Variants in ACYP2 observed in about 807,000 individuals in gnomAD.
ACYP2 encodes the protein acylphosphatase-2.
In ACYP2, 12 loss-of-function variants were observed where a neutral mutation model predicts 11.2. The ratio of observed to expected loss-of-function variants is 1.08; its 90% CI spans 0.69 to 1.74. The LOEUF (loss-of-function observed/expected upper bound fraction) is 1.74. ACYP2 is among the 40% of genes most tolerant of loss of function. The pLI is 0.00. For missense variants in ACYP2, 134 were observed against 101.9 expected, an observed-to-expected ratio of 1.31 and a Z score of -1.35; for synonymous variants, 43 against 32.2, an observed-to-expected ratio of 1.33 and a Z score of -1.13.
chr2:54,100,184 CA>C (rs1473976065), intron 4 of ACYP2, among the ~76,000 whole-genome samples: 1 of 149,940 alleles, frequency 6.7e-6, no homozygotes, highest in Non-Finnish European at 1.5e-5. Context: ...TTTGACTTTC[CA>C]GATTTAGTTC....
At chr2:54,204,982 A>C (rs1277001143) in intron 6 of ACYP2, among the ~76,000 whole-genome samples, 1 of 152,098 alleles carries the variant, frequency 6.6e-6, no homozygotes, top group Non-Finnish European at 1.5e-5. Context: ...TCTCATAGGC[A>C]CCTTCTCCTT....
chr2:54,013,966 TGGCCAACGTGGTGAAGCCCC>T (rs1445398843), intron 2 of ACYP2, among the ~76,000 whole-genome samples: 2 of 151,996 alleles, frequency 1.3e-5, no homozygotes, highest in Non-Finnish European at 2.9e-5. Flanking sequence ...GAGACCAGCC[TGGCCAACGTGGTGAAGCCCC>T]TTCTCCACTA....
At chr2:54,201,658 CTTTCTTTCTTTCTTTCTTTCTT>C (rs1558608988) in intron 6 of ACYP2, among the ~76,000 whole-genome samples, 10 of 79,068 alleles carry the variant, frequency 1.3e-4, no homozygotes, top group African/African-American at 2.5e-4. Context: ...TTCTTTCTTT[CTTTCTTTCTTTCTTTCTTTCTT>C]TCTCTCTCTC....
At chr2:54,090,770 C>G (rs1489711342) in intron 4 of ACYP2, among the ~76,000 whole-genome samples, 1 of 152,202 alleles carries the variant, frequency 6.6e-6, no homozygotes, top group Non-Finnish European at 1.5e-5. Context: ...TGCAGCTTAT[C>G]AAATCCCTCA....
intron 6 of ACYP2, among the ~76,000 whole-genome samples, chr2:54,224,056 C>G (rs1258080085): frequency 6.6e-6 from 1 of 152,144 alleles, no homozygotes; most frequent in Non-Finnish European, 1.5e-5. Flanking sequence ...GGTTAGGCTT[C>G]TAAATACTGT....
intron 6 of ACYP2, among the ~76,000 whole-genome samples, chr2:54,283,425 C>A (rs1688931271): frequency 6.6e-6 from 1 of 152,118 alleles, no homozygotes; most frequent in African/African-American, 2.4e-5. Context: ...GCTTTCCATG[C>A]CCCAGGACTC....
chr2:53,972,407 C>G (rs190511523), intron 1 of ACYP2, among the ~76,000 whole-genome samples: 1,800 of 151,422 alleles, frequency 0.012, 24 homozygotes, highest in Non-Finnish European at 0.019. Context: ...GAGATGGAGA[C>G]CATCCTGGCT....
chr2:54,083,741 AC>A (rs1280297391), intron 4 of ACYP2, among the ~76,000 whole-genome samples: 3 of 152,106 alleles, frequency 2.0e-5, no homozygotes, highest in Non-Finnish European at 4.4e-5. Context: ...ATATGCTCTT[AC>A]ATCCCCCCAG....
At chr2:54,053,282 G>A (rs769157977) in intron 3 of ACYP2, among the ~76,000 whole-genome samples, 1 of 152,160 alleles carries the variant, frequency 6.6e-6, no homozygotes, top group Non-Finnish European at 1.5e-5. Flanking sequence ...GGCCCCATAG[G>A]GCTGGCTGTC....
chr2:54,078,302 A>G (rs1208821449), intron 4 of ACYP2, among the ~76,000 whole-genome samples: 1 of 151,894 alleles, frequency 6.6e-6, no homozygotes, highest in Non-Finnish European at 1.5e-5. Context: ...GATGCTAGGA[A>G]GATGCTAGGA....
intron 2 of ACYP2, among the ~76,000 whole-genome samples, chr2:53,995,453 AT>A (rs1235819695): frequency 6.6e-6 from 1 of 150,530 alleles, no homozygotes; most frequent in Non-Finnish European, 1.5e-5. Flanking sequence ...GACACAATTA[AT>A]TCAATGCTAT....
chr2:54,006,044 C>G (rs368476304), intron 2 of ACYP2, among the ~76,000 whole-genome samples: 2 of 151,532 alleles, frequency 1.3e-5, no homozygotes, highest in Non-Finnish European at 2.9e-5. Flanking sequence ...AGTGCAGTGG[C>G]TTGATCACAG....
chr2:54,247,033 G>C (rs914391605), intron 6 of ACYP2, among the ~76,000 whole-genome samples: 3 of 152,162 alleles, frequency 2.0e-5, no homozygotes, highest in Admixed American at 6.5e-5. Context: ...CAGGAAGGTT[G>C]TAACTATTCC....
At chr2:54,009,179 AAGATTTGAGGACTCG>A (rs1271547953) in intron 2 of ACYP2, among the ~76,000 whole-genome samples, 2 of 151,936 alleles carry the variant, frequency 1.3e-5, no homozygotes, top group Non-Finnish European at 2.9e-5. Flanking sequence ...CAGACAGCAA[AAGATTTGAGGACTCG>A]AGGAAAGTAG....
At position 54,152,442 on chromosome 2, in the gene ACYP2, T is replaced by A. The variant is rs1288649585; in HGVS notation, c.404+13694T>A. 1.1e-4 allele frequency among the ~76,000 whole-genome samples: 16 copies of A among 152,144 alleles called. 1 individual carries two copies. The highest frequency in any genetic ancestry group is 1.5e-5 in the Non-Finnish European group (1 of 68,032). On this transcript the variant is annotated intron_variant, in intron 6 of 6. Coordinates refer to ENST00000607452, the MANE Select transcript of ACYP2 (RefSeq NM_001320586.2). Reference sequence around the variant, plus strand: ...CCTGTCCAGAGTTCACTTGTGATGTTGTACATTCTACTGGTTTTGATAAAT... The same window carrying A: ...CCTGTCCAGAGTTCACTTGTGATGTAGTACATTCTACTGGTTTTGATAAAT...
chr2:54,219,881 G>A lies in ACYP2; in HGVS notation c.404+81133G>A, dbSNP rs868682414. On this transcript the variant is annotated intron_variant, in intron 6 of 6. Coordinates refer to ENST00000607452, the MANE Select transcript of ACYP2 (RefSeq NM_001320586.2). ...GATGTGTGTGTGTGTGTGTGTGTGT[G>A]TATATATATATATATATATATATAT... 3.3e-4 allele frequency among the ~76,000 whole-genome samples: 33 copies of A among 99,478 alleles called. No homozygotes were observed. In the East Asian group the frequency reaches 5.8e-3, roughly 17 times the overall value. 65.3% of individuals were successfully genotyped at this position (99,478 alleles called of 152,430 possible).
intron 6 of ACYP2, among the ~76,000 whole-genome samples, chr2:54,304,483 A>AT (rs1282668130): frequency 6.6e-6 from 1 of 151,952 alleles, no homozygotes; most frequent in Non-Finnish European, 1.5e-5. Flanking sequence ...AATTTATTAG[A>AT]TTTTCTTCAT....
chr2:54,274,100 T>A (rs1194115654), intron 6 of ACYP2, among the ~76,000 whole-genome samples: 2 of 152,200 alleles, frequency 1.3e-5, no homozygotes, highest in African/African-American at 4.8e-5. Flanking sequence ...AGGTTTATAA[T>A]GGACTTACAG....
intron 6 of ACYP2, chr2:54,255,108 G>A (rs758943633): frequency 6.2e-7 from 1 of 1,614,058 alleles, no homozygotes; most frequent in African/African-American, 1.3e-5. Flanking sequence ...TGAAGAAGCT[G>A]CAGATGACAT....
Sources: gnomAD v4.1 joint callset for allele counts (sites outside exome capture counted in the v4.1 genomes callset) on GRCh38, gnomAD v4.1.1 for gene constraint, MANE v1.5 for transcripts, NCBI Gene and HGNC (gene_info 2026-07-23, HGNC 2026-07-21) for gene names.